Variants in DNAH9 observed in about 807,000 individuals in gnomAD.
DNAH9 encodes the protein dynein axonemal heavy chain 9.
In DNAH9, 345 loss-of-function variants were observed where a neutral mutation model predicts 471.6. That is an observed-to-expected ratio of 0.73 (90% CI 0.67 to 0.80). DNAH9 has a LOEUF of 0.80. Ranked by LOEUF, DNAH9 falls within the 30% of genes least tolerant of loss-of-function variation. DNAH9 has a pLI of 0.00. For synonymous variants in DNAH9, 2,093 were observed against 2,123.6 expected (o/e 0.99, Z 0.40); for missense variants, 5,407 against 5,609.2 (o/e 0.96, Z 1.15).
intron 22 of DNAH9, among the ~76,000 whole-genome samples, chr17:11,697,103 C>T (rs758563540): frequency 4.6e-5 from 7 of 152,136 alleles, no homozygotes; most frequent in African/African-American, 1.2e-4. Context: ...GTGATCCTCC[C>T]GTCTTGGCCT....
rs902124591 is a variant in DNAH9 at position 11,854,089 on chromosome 17, C to T, written c.9594C>T (p.Pro3198=). The T allele has an allele frequency of 2.5e-6, 4 of 1,614,022 alleles. No individual in the cohort carries two copies. The highest frequency in any genetic ancestry group is 3.4e-6 in the Non-Finnish European group (4 of 1,180,032). The part of the protein sequence containing the change: ...VSAAVMVLMA[P]RGRVPKDRSW... ...CTGCGGTGATGGTACTGATGGCTCC[C>T]AGGGGTAGGGTGCCCAAGGACCGGA... is the stretch of plus-strand genomic sequence containing the variant. Residue 3198 remains proline (P), a synonymous_variant, in exon 50 of 69, where the codon CCC becomes CCT. Transcript: ENST00000262442.
rs1390926957 is a variant in DNAH9 at position 11,763,456 on chromosome 17, C to T, written c.7012C>T (p.Pro2338Ser). 1 of 1,613,976 alleles carries T rather than the reference C, an allele frequency of 6.2e-7. No homozygotes were observed. ...TLRTRFKKII[P>S]IPEQSMVQMV... ...TCTTTGCAGGTTTAAGAAGATCATTCCCATCCCAGAGCAGAGCATGGTTCA... is the reference window on the plus strand; with the variant it reads ...TCTTTGCAGGTTTAAGAAGATCATTTCCATCCCAGAGCAGAGCATGGTTCA... The change falls in exon 36 of 69, where the codon CCC becomes TCC. Residue 2338 changes from proline to serine, a missense_variant. Pro to Ser is a moderately conservative substitution (Grantham distance 74). This residue lies in a region of DNAH9 where 4,636 missense variants were observed against 4,900.3 expected (regional missense o/e 0.95). Coordinates refer to ENST00000262442, the MANE Select transcript of DNAH9 (RefSeq NM_001372.4).
chr17:11,643,606 T>C (rs1341000048), intron 10 of DNAH9, among the ~76,000 whole-genome samples: 1 of 152,250 alleles, frequency 6.6e-6, no homozygotes, highest in Non-Finnish European at 1.5e-5. Flanking sequence ...AACCTATGTC[T>C]GTGGTCTAGA....
chr17:11,655,835 T>G (rs974908515), intron 14 of DNAH9, among the ~76,000 whole-genome samples: 9 of 151,564 alleles, frequency 5.9e-5, no homozygotes, highest in Admixed American at 3.3e-4. Flanking sequence ...GGCATAAGAA[T>G]GATACAATGG....
chr17:11,964,380 T>C (rs1433468099), intron 68 of DNAH9, among the ~76,000 whole-genome samples: 2 of 152,162 alleles, frequency 1.3e-5, no homozygotes, highest in African/African-American at 2.4e-5. Flanking sequence ...ACACTGGAAG[T>C]GGGGGAATGA....
intron 49 of DNAH9, among the ~76,000 whole-genome samples, chr17:11,851,094 TTTGTTG>T (rs139118005): frequency 1.3e-3 from 187 of 148,064 alleles, no homozygotes; most frequent in African/African-American, 4.0e-3. Flanking sequence ...TTGAGGTTGT[TTTGTTG>T]TTGTTGTTGT....
rs747144966 is a variant in DNAH9 at position 11,797,724 on chromosome 17, C to T, written c.8351C>T (p.Ala2784Val). 5.0e-6 allele frequency: 8 copies of T among 1,614,194 alleles called. No homozygotes were observed. The South Asian group carries it at 7.7e-5, about 16-fold the overall frequency. Residue 2784 changes from alanine (A) to valine (V), a missense_variant, in exon 43 of 69, where the codon GCC becomes GTC. This residue lies in a region of DNAH9 where 4,636 missense variants were observed against 4,900.3 expected (regional missense o/e 0.95). Transcript: ENST00000262442. ...CTTTTGACCCAGACTCTGGTGGAGG[C>T]CTTGGAGAACCACAATGAAGTCAAC... ...WELLTQTLVEALENHNEVNTV... is the reference protein window; with the variant it reads ...WELLTQTLVEVLENHNEVNTV...
intron 52 of DNAH9, among the ~76,000 whole-genome samples, chr17:11,874,649 A>C (rs72815421): frequency 0.083 from 12,561 of 152,170 alleles, 1,000 homozygotes; most frequent in East Asian, 0.45. Context: ...AGGAGGTCGT[A>C]GATTAAAATA....
At chr17:11,606,429 C>CTTTCT (rs1251023118) in intron 1 of DNAH9, among the ~76,000 whole-genome samples, 2 of 121,234 alleles carry the variant, frequency 1.6e-5, no homozygotes, top group African/African-American at 6.2e-5. Context: ...TGACAACTTT[C>CTTTCT]TTTCTTTTCT....
intron 55 of DNAH9, chr17:11,882,807 G>T (rs1972771871): frequency 2.6e-5 from 12 of 460,308 alleles, no homozygotes; most frequent in Admixed American, 6.4e-5. Context: ...GTTGGCATCT[G>T]AGCTAATTCC....
At chr17:11,958,741 A>AT (rs538626710) in intron 67 of DNAH9, among the ~76,000 whole-genome samples, 2 of 152,100 alleles carry the variant, frequency 1.3e-5, no homozygotes, top group Non-Finnish European at 2.9e-5. Flanking sequence ...TAAAAAAAAA[A>AT]AAATAAAGTA....
Position 11,961,925 on chromosome 17 carries a change from T to C in DNAH9, c.12902T>C (p.Met4301Thr), listed in dbSNP as rs767682432. 14 of 1,614,102 alleles carry C rather than the reference T, an allele frequency of 8.7e-6. No individual in the cohort carries two copies. Among genetic ancestry groups the C allele is most frequent in the Non-Finnish European group, 1.1e-5 (13 of 1,180,008 alleles). ...ENLQNALYFDMVPESWARRAY... is the reference protein window; with the variant it reads ...ENLQNALYFDTVPESWARRAY... ...TTACAGAATGCCCTGTACTTCGATA[T>C]GGTGCCAGAGTCCTGGGCTAGACGA... Residue 4301 changes from methionine (M) to threonine (T), a missense_variant, in exon 68 of 69, where the codon ATG becomes ACG. By Grantham distance (81) the Met-to-Thr change is moderately conservative. Coordinates refer to ENST00000262442, the MANE Select transcript of DNAH9 (RefSeq NM_001372.4).
At chr17:11,821,052 C>A (rs2190617) in intron 45 of DNAH9, among the ~76,000 whole-genome samples, 6,794 of 152,026 alleles carry the variant, frequency 0.045, 365 homozygotes, top group East Asian at 0.17. Context: ...GAGGCCGAGG[C>A]GGGTGGATCA....
chr17:11,819,757 T>C (rs1297957433), intron 45 of DNAH9, among the ~76,000 whole-genome samples: 2 of 152,204 alleles, frequency 1.3e-5, no homozygotes, highest in African/African-American at 2.4e-5. Flanking sequence ...CCACTGGAAA[T>C]CAAGTCTCCT....
chr17:11,802,172 C>G (rs1314058143), intron 43 of DNAH9, among the ~76,000 whole-genome samples: 1 of 152,176 alleles, frequency 6.6e-6, no homozygotes, highest in South Asian at 2.1e-4. Flanking sequence ...TCGTTGCTGC[C>G]TCTACCAACC....
intron 67 of DNAH9, among the ~76,000 whole-genome samples, chr17:11,950,360 G>T (rs1975319343): frequency 6.6e-6 from 1 of 152,088 alleles, no homozygotes; most frequent in African/African-American, 2.4e-5. Context: ...TAGTTTCACT[G>T]CCCTAAAATT....
intron 41 of DNAH9, among the ~76,000 whole-genome samples, chr17:11,790,924 T>C (rs1206079578): frequency 6.6e-6 from 1 of 152,174 alleles, no homozygotes; most frequent in East Asian, 1.9e-4. Context: ...ACAATTTACC[T>C]CTCACTGATT....
intron 49 of DNAH9, among the ~76,000 whole-genome samples, chr17:11,843,881 A>ATATATATATATATC (rs1971121097): frequency 1.5e-5 from 2 of 134,230 alleles, no homozygotes; most frequent in Non-Finnish European, 3.2e-5. Context: ...ATATATATAT[A>ATATATATATATATC]TATATATATA....
At chr17:11,724,077 TTATCAATAA>T (rs1463536924) in intron 27 of DNAH9, among the ~76,000 whole-genome samples, 1 of 152,180 alleles carries the variant, frequency 6.6e-6, no homozygotes, top group African/African-American at 2.4e-5. Context: ...TCAATAATAT[TTATCAATAA>T]TATCAATAAT....
Sources: allele counts gnomAD v4.1 joint callset (sites outside exome capture counted in the v4.1 genomes callset), GRCh38; gene constraint gnomAD v4.1.1; regional missense constraint gnomAD v4.1.1; transcripts MANE v1.5; gene names NCBI Gene and HGNC (gene_info 2026-07-23, HGNC 2026-07-21).